The following TTN variants were observed in gnomAD, a reference collection of about 807,000 sequenced individuals.
TTN encodes the protein titin.
Under a neutral mutation model 3,223.0 loss-of-function variants are expected in TTN, and 1,525 were observed. That is an observed-to-expected ratio of 0.47 (90% confidence interval 0.45 to 0.49). The LOEUF is 0.49. TTN is among the 20% of genes least tolerant of loss of function. TTN has a pLI of 0.00. For synonymous variants in TTN, 14,094 were observed against 15,161.0 expected (o/e 0.93, Z 5.17); for missense variants, 40,786 against 43,424.0 (o/e 0.94, Z 5.40).
rs369648529 is a variant in TTN, at chr2:178,537,420, T to G, written c.99787A>C (p.Thr33263Pro). ...TGGACTTTGTATTTCCCAGCATGAG[T>G]CTTACGTTGGACATTCTTCATGACA... is the stretch of plus-strand genomic sequence containing the variant. ...HLVMKNVQRK[T>P]HAGKYKVQLS... Residue 33263 changes from threonine (T) to proline (P), a missense_variant, in exon 355 of 363, where the codon ACT (threonine) becomes CCT (proline). Coordinates refer to ENST00000589042, the MANE Select transcript of TTN (RefSeq NM_001267550.2). The G allele has an allele frequency of 1.9e-6, 3 of 1,612,368 alleles. No homozygotes were observed. Among genetic ancestry groups the G allele is most frequent in the Non-Finnish European group, 2.5e-6 (3 of 1,178,964 alleles).
chr2:178,630,437 T>C, intron 238 of TTN, 70 bp from the exon 239 acceptor site: 1 of 1,489,704 alleles, frequency 6.7e-7, no homozygotes, highest in South Asian at 1.3e-5. Flanking sequence ...AAGGATAGAT[T>C]ATCTTAATTA....
chr2:178,805,364 A>T (rs2094269335), intron 1 of TTN, among the ~76,000 whole-genome samples: 1 of 148,418 alleles, frequency 6.7e-6, no homozygotes, highest in Non-Finnish European at 1.5e-5. Flanking sequence ...AAAAAAAAAA[A>T]TTAAAATAAA....
chr2:178,645,879 T>G, intron 217 of TTN, 41 bp downstream of exon 217: 1 of 1,313,944 alleles, frequency 7.6e-7, no homozygotes, highest in Non-Finnish European at 1.0e-6. Context: ...GGATAGAAGT[T>G]TGAAGCAGGC....
rs1708412775 is a variant in TTN at position 178,572,088 on chromosome 2, C to T, written c.74044G>A (p.Gly24682Ser). ...GAAACACGGAAAGAGTATTCTTCAC[C>T]CTGAATTAATCCAGTGATAGTGGCT... ...TEATITGLIQ[G>S]EEYSFRVSAQ... The change falls in exon 326 of 363, where the codon GGT becomes AGT. Residue 24682 changes from glycine to serine, a missense_variant. Physicochemically the swap from Gly to Ser is moderately conservative, Grantham distance 56. Coordinates refer to ENST00000589042, the MANE Select transcript of TTN (RefSeq NM_001267550.2). 6.2e-7 allele frequency: 1 copy of T among 1,613,166 alleles called. No homozygotes were observed. Among genetic ancestry groups the T allele is most frequent in the Non-Finnish European group, 8.5e-7 (1 of 1,179,540 alleles).
chr2:178,531,606 G>A lies in TTN; in HGVS notation c.105009C>T (p.Asp35003=). 6.2e-6 allele frequency: 10 copies of A among 1,613,996 alleles called. No homozygotes were observed. The highest frequency in any genetic ancestry group is 8.5e-6 in the Non-Finnish European group (10 of 1,179,888). ...AGGTTCCACTGTCATCAGTATGACAGTCCAGAATTTCCAGGGTGAGGACTC... is the reference window on the plus strand; with the variant it reads ...AGGTTCCACTGTCATCAGTATGACAATCCAGAATTTCCAGGGTGAGGACTC... The part of the protein sequence containing the change: ...TSGVLTLEIL[D]CHTDDSGTYR... The change falls in exon 358 of 363, where the codon GAC becomes GAT. Residue 35003 remains aspartate, a synonymous_variant. Coordinates refer to ENST00000589042, the MANE Select transcript of TTN (RefSeq NM_001267550.2).
intron 140 of TTN, 36 bp from the exon 141 acceptor site, chr2:178,679,718 C>T: frequency 6.3e-7 from 1 of 1,575,802 alleles, no homozygotes; most frequent in East Asian, 2.2e-5. Flanking sequence ...GGAAATTTTG[C>T]AGGAAAGAAA....
chr2:178,792,185 T>G lies in TTN; in HGVS notation c.1549A>C (p.Thr517Pro). 6.2e-7 allele frequency: 1 copy of G among 1,607,112 alleles called. No individual in the cohort carries two copies. Among genetic ancestry groups the G allele is most frequent in the Middle Eastern group, 1.7e-4 (1 of 5,792 alleles). ...HVTHEQIRKE[T>P]EKTFVPKVVI... ...ACCTTTGGTACAAATGTTTTTTCAG[T>G]TTCTTTTCTTATCTGCAAAGAATGA... Residue 517 changes from threonine to proline, a missense_variant, in exon 10 of 363, where the codon ACT becomes CCT. By Grantham distance (38) the Thr-to-Pro change is conservative. Coordinates refer to ENST00000589042, the MANE Select transcript of TTN (RefSeq NM_001267550.2).
At chr2:178,681,019 T>G (rs573464298) in intron 138 of TTN, 60 bp downstream of exon 138, 4 of 1,338,138 alleles carry the variant, frequency 3.0e-6, no homozygotes, top group Non-Finnish European at 4.1e-6. Flanking sequence ...GAATCATAGT[T>G]ACATTAATTT....
Position 178,555,094 on chromosome 2 carries a change from A to C in TTN, c.88365T>G (p.Gly29455=), listed in dbSNP as rs1178996297. The C allele has an allele frequency of 6.2e-7, 1 of 1,613,726 alleles. No homozygotes were observed. The highest frequency in any genetic ancestry group is 1.3e-5 in the African/African-American group (1 of 74,928). Residue 29455 remains glycine (G), a synonymous_variant, in exon 331 of 363, where the codon GGT becomes GGG. Coordinates refer to ENST00000589042, the MANE Select transcript of TTN (RefSeq NM_001267550.2). ...EYTEVVKYRA[G]TSVKLRAGIS... is the part of the protein sequence containing the mutation. Reference sequence around the variant, plus strand: ...TGCCAGCTCTGAGCTTCACAGATGTACCTGCTCTGTATTTGACAACTTCTG... The same window carrying C: ...TGCCAGCTCTGAGCTTCACAGATGTCCCTGCTCTGTATTTGACAACTTCTG...
At position 178,785,738 on chromosome 2, in the gene TTN, T is replaced by C. The variant is rs1277005646; in HGVS notation, c.2375A>G (p.Lys792Arg). The C allele has an allele frequency of 1.2e-6, 2 of 1,614,088 alleles. No homozygotes were observed. The highest frequency in any genetic ancestry group is 1.7e-6 in the Non-Finnish European group (2 of 1,180,010). ...TTCCGTTGTTAGATCTGTAGTTTTC[T>C]TGATCTGCATTGAAATGAAACTCAG... ...QKGMHISSQI[K>R]KTTDLTTERL... The change falls in exon 15 of 363, where the codon AAG becomes AGG. Residue 792 changes from lysine (K) to arginine (R), a missense_variant. Physicochemically the swap from Lys to Arg is conservative, Grantham distance 26 (BLOSUM62 2). Coordinates refer to ENST00000589042, the MANE Select transcript of TTN (RefSeq NM_001267550.2).
rs1292128337 is a variant in TTN at position 178,619,662 on chromosome 2, A to G, written c.46655T>C (p.Ile15552Thr). ...KPRDQGEYRF[I>T]AKDKEARAKL... ...AGCTCTGGCTTCTTTGTCTTTGGCA[A>G]TAAATCTGTATTCACCCTGGTCACG... The change falls in exon 250 of 363, where the codon ATT becomes ACT. Residue 15552 changes from isoleucine (I) to threonine (T), a missense_variant. Ile to Thr is a moderately conservative substitution (Grantham distance 89, BLOSUM62 -1). Coordinates refer to ENST00000589042, the MANE Select transcript of TTN (RefSeq NM_001267550.2). 2 of 1,612,132 alleles carry G rather than the reference A, an allele frequency of 1.2e-6. No homozygotes were observed. The highest frequency in any genetic ancestry group is 1.7e-4 in the Middle Eastern group (1 of 6,040).
rs1249072254 is a variant in TTN at position 178,548,726 on chromosome 2, C to T, written c.92900G>A (p.Ser30967Asn). Residue 30967 changes from serine to asparagine, a missense_variant, in exon 339 of 363, where the codon AGC (serine) becomes AAC (asparagine). Transcript: ENST00000589042. This position sits in a 1 kb window ranked among gnomAD's most constrained non-coding sequence, Gnocchi z 4.3. Reference protein sequence around the residue: ...AVWSKPDSNLSLRADIHTTDS... With the variant: ...AVWSKPDSNLNLRADIHTTDS... ...TGTTGTATGGATATCAGCCCGAAGG[C>T]TAAGGTTAGAGTCTGGTTTGCTCCA... 2.5e-6 allele frequency: 4 copies of T among 1,613,808 alleles called. No homozygotes were observed. The highest frequency in any genetic ancestry group is 3.4e-6 in the Non-Finnish European group (4 of 1,179,786).
rs373542756 is a variant in TTN at position 178,801,504 on chromosome 2, A to T, written c.295+634T>A. The stretch of plus-strand genomic sequence containing the variant: ...TGAAGGTAAAGTTTATTGGATAAGC[A>T]TATGTAACTTTACGTAGCTCATGTA... On this transcript the variant is annotated intron_variant, in intron 3 of 362. Transcript: ENST00000589042. Among the ~76,000 whole-genome samples, 15 of 152,310 alleles carry T rather than the reference A, an allele frequency of 9.8e-5. No homozygotes were observed. In the South Asian group the frequency reaches 2.9e-3, roughly 29 times the overall value.
At chr2:178,685,477 A>G (rs774835115) in intron 128 of TTN, 41 bp downstream of exon 128, 3 of 1,571,862 alleles carry the variant, frequency 1.9e-6, no homozygotes, top group Non-Finnish European at 2.6e-6. Context: ...AGAAGGAGAC[A>G]AGCTAACATA....
In TTN at chr2:178,721,321, A is replaced by G; in HGVS notation, c.22817-119T>C. 3.5e-6 allele frequency: 3 copies of G among 864,358 alleles called. No individual in the cohort carries two copies. In the East Asian group the frequency reaches 9.6e-5, roughly 28 times the overall value. The allele number at this position is 864,358 out of a possible 1,614,324, so 53.5% of individuals were successfully genotyped here. A position where few individuals can be genotyped will look rare whatever the true frequency, so the allele number is the denominator to read the frequency against. On this transcript the variant is annotated intron_variant, in intron 78 of 362. Coordinates refer to ENST00000589042, the MANE Select transcript of TTN (RefSeq NM_001267550.2). ...TAAACTGGTTTGTTATTAAGAATAT[A>G]CTTTCTGAGGATTTTACAGTAAAAT...
rs1559226382 is a variant in TTN, at chr2:178,554,211, G to C, written c.88900C>G (p.Pro29634Ala). 1.3e-6 allele frequency: 2 copies of C among 1,583,480 alleles called. No individual in the cohort carries two copies. The highest frequency in any genetic ancestry group is 2.7e-5 in the African/African-American group (2 of 73,192). Residue 29634 changes from proline (P) to alanine (A), a missense_variant, in exon 333 of 363, where the codon CCT becomes GCT. By Grantham distance (27) the Pro-to-Ala change is conservative. Coordinates refer to ENST00000589042, the MANE Select transcript of TTN (RefSeq NM_001267550.2). ...ACTTCTGGTATGCCTGGTGGCCCAG[G>C]TGTAACTATTTAGAAAGGAAGGGAA... is the stretch of plus-strand genomic sequence containing the variant. Reference protein sequence around the residue: ...SVVAKNAFVTPGPPGIPEVTK... With the variant: ...SVVAKNAFVTAGPPGIPEVTK...
In TTN at chr2:178,605,590, C is replaced by T. The variant is rs781600329; in HGVS notation, c.53705G>A (p.Arg17902Gln). The change falls in exon 279 of 363, where the codon CGG (arginine) becomes CAG (glutamine). Residue 17902 changes from arginine (R) to glutamine (Q), a missense_variant. By Grantham distance (43) the Arg-to-Gln change is conservative (BLOSUM62 1). Coordinates refer to ENST00000589042, the MANE Select transcript of TTN (RefSeq NM_001267550.2). ...TTCAAAGTCAGGTTTGTCATGACGC[C>T]GTTTTTCAATGATATATCCTTGGAT... The part of the protein sequence containing the change: ...SPIQGYIIEK[R>Q]RHDKPDFERV... The T allele has an allele frequency of 7.4e-6, 12 of 1,612,168 alleles. No individual in the cohort carries two copies. Among genetic ancestry groups the T allele is most frequent in the South Asian group, 5.5e-5 (5 of 90,958 alleles).
Position 178,653,299 on chromosome 2 carries a change from A to C in TTN, c.38730T>G (p.Val12910=), listed in dbSNP as rs763757808. Residue 12910 remains valine, a synonymous_variant, in exon 198 of 363, where the codon GTT becomes GTG. Transcript: ENST00000589042. Reference sequence around the variant, plus strand: ...CCAAGGGCACTTTCTTTTCAAGGACAACTTCTTTGGGAGCCTCTGGCACTT... The same window carrying C: ...CCAAGGGCACTTTCTTTTCAAGGACCACTTCTTTGGGAGCCTCTGGCACTT... ...PVTVPEAPKE[V]VLEKKVPLAP... is the part of the protein sequence containing the mutation. 6.2e-7 allele frequency: 1 copy of C among 1,612,714 alleles called. No individual in the cohort carries two copies. The highest frequency in any genetic ancestry group is 8.5e-7 in the Non-Finnish European group (1 of 1,179,578).
chr2:178,589,090 C>T lies in TTN; in HGVS notation c.62635G>A (p.Asp20879Asn). ...RNLKIVDVSSDRCTVCWDPPE... is the reference protein window; with the variant it reads ...RNLKIVDVSSNRCTVCWDPPE... The stretch of plus-strand genomic sequence containing the variant: ...GGATCCCAGCAAACAGTACACCTAT[C>T]ACTGGACACATCAACAATTTTCAGA... Residue 20879 changes from aspartate to asparagine, a missense_variant, in exon 304 of 363, where the codon GAT (aspartate) becomes AAT (asparagine). By Grantham distance (23) the Asp-to-Asn change is conservative (BLOSUM62 1). Transcript: ENST00000589042. The T allele has an allele frequency of 6.2e-7, 1 of 1,610,286 alleles. No homozygotes were observed. Among genetic ancestry groups the T allele is most frequent in the African/African-American group, 1.3e-5 (1 of 75,030 alleles).
Sources: gnomAD v4.1 joint callset for allele counts (sites outside exome capture counted in the v4.1 genomes callset) on GRCh38, gnomAD v4.1.1 for gene constraint, Gnocchi (gnomAD v3.1) non-coding constraint, MANE v1.5 for transcripts, NCBI Gene and HGNC (gene_info 2026-07-23, HGNC 2026-07-21) for gene names.